Variants in GPNMB observed in about 807,000 individuals in gnomAD.
The protein encoded by GPNMB is glycoprotein nmb.
Under a neutral mutation model 57.3 loss-of-function variants are expected in GPNMB, and 71 were observed. That is an observed-to-expected ratio of 1.24 (90% CI 1.02 to 1.51). GPNMB has a LOEUF of 1.51. Ranked by LOEUF, GPNMB falls within the 40% of genes most tolerant of loss-of-function variation. The pLI is 0.00. For synonymous variants in GPNMB, 253 were observed against 263.2 expected (o/e 0.96, Z 0.38); for missense variants, 677 against 691.9 (o/e 0.98, Z 0.24).
chr7:23,269,784 C>T (rs542428480), intron 8 of GPNMB, among the ~76,000 whole-genome samples, 183 bp from the exon 9 acceptor site: 32 of 152,264 alleles, frequency 2.1e-4, no homozygotes, highest in African/African-American at 4.3e-4. Context: ...CATAGCTCAG[C>T]GCACAGGCTT....
chr7:23,267,929 G>A lies in GPNMB; in HGVS notation c.1161G>A (p.Leu387=). 6.2e-7 allele frequency: 1 copy of A among 1,613,872 alleles called. No individual in the cohort carries two copies. Among genetic ancestry groups the A allele is most frequent in the Non-Finnish European group, 8.5e-7 (1 of 1,179,752 alleles). ...EVNIIQMTDV[L]MPVPWPESSL... Reference sequence around the variant, plus strand: ...ACATCATCCAGATGACAGACGTCCTGATGCCGGTGCCATGGCCTGAAAGCT... The same window carrying A: ...ACATCATCCAGATGACAGACGTCCTAATGCCGGTGCCATGGCCTGAAAGCT... Residue 387 remains leucine (L), a synonymous_variant, in exon 8 of 11, where the codon CTG becomes CTA. Coordinates refer to ENST00000258733, the MANE Select transcript of GPNMB (RefSeq NM_002510.3).
chr7:23,256,780 C>T, intron 3 of GPNMB, 112 bp from the exon 4 acceptor site: 1 of 786,464 alleles, frequency 1.3e-6, no homozygotes, highest in South Asian at 1.7e-5. Context: ...TGTCTAACTA[C>T]TTTTAAACTA....
At chr7:23,258,152 G>A (rs1013213549) in intron 4 of GPNMB, 18 of 152,008 alleles carry the variant, frequency 1.2e-4, no homozygotes, top group Non-Finnish European at 2.6e-4. Flanking sequence ...TATTAATTAG[G>A]CTGCTAAATT....
chr7:23,274,511 C>T lies in GPNMB; in HGVS notation c.*287C>T. The T allele has an allele frequency of 4.1e-6, 1 of 246,098 alleles. No homozygotes were observed. Among genetic ancestry groups the T allele is most frequent in the South Asian group, 7.0e-5 (1 of 14,388 alleles). The allele number at this position is 246,098 out of a possible 1,614,324, so 15.2% of individuals were successfully genotyped here. A position where few individuals can be genotyped will look rare whatever the true frequency, so the allele number is the denominator to read the frequency against. On this transcript the variant is annotated 3_prime_UTR_variant, in exon 11 of 11. Transcript: ENST00000258733. ...TTAGGTAACTAGTAGGATAGAAACA[C>T]TGTGTCCCGAGAGTAAGGAGAGAAG...
Position 23,253,426 on chromosome 7 carries a change from CG to C in GPNMB, c.194del (p.Gly65GlufsTer3). The C allele has an allele frequency of 6.2e-7, 1 of 1,613,700 alleles. No individual in the cohort carries two copies. The highest frequency in any genetic ancestry group is 1.7e-5 in the Admixed American group (1 of 59,980). ...WNEKLYPVWK[R>X]GDMRWKNSWK... ...TGAAAAACTCTACCCAGTGTGGAAG[CG>C]GGGAGACATGAGGTGGAAAAACTCC... On this transcript the variant is annotated frameshift_variant, in exon 2 of 11. Coordinates refer to ENST00000258733, the MANE Select transcript of GPNMB (RefSeq NM_002510.3). LOFTEE classifies it high-confidence loss of function.
Position 23,254,242 on chromosome 7 carries a change from C to G in GPNMB, c.297C>G (p.Asn99Lys), listed in dbSNP as rs1275975671. ...GCTCAAATATAACATTTGCGGTGAACCTGATATTCCCTAGATGCCAAAAGG... is the reference window on the plus strand; with the variant it reads ...GCTCAAATATAACATTTGCGGTGAAGCTGATATTCCCTAGATGCCAAAAGG... ...LVGSNITFAVNLIFPRCQKED... is the reference protein window; with the variant it reads ...LVGSNITFAVKLIFPRCQKED... Residue 99 changes from asparagine to lysine, a missense_variant, in exon 3 of 11, where the codon AAC becomes AAG. By Grantham distance (94) the Asn-to-Lys change is moderately conservative (BLOSUM62 0). Transcript: ENST00000258733. 6.2e-7 allele frequency: 1 copy of G among 1,613,452 alleles called. No homozygotes were observed. Among genetic ancestry groups the G allele is most frequent in the Non-Finnish European group, 8.5e-7 (1 of 1,179,398 alleles).
chr7:23,264,652 C>T (rs998454506), intron 6 of GPNMB, among the ~76,000 whole-genome samples: 1 of 152,200 alleles, frequency 6.6e-6, no homozygotes, highest in African/African-American at 2.4e-5. Flanking sequence ...GCTGGGATTA[C>T]AGGTGTGAGC....
At chr7:23,259,924 T>A (rs1486264849) in intron 4 of GPNMB, 56 bp from the exon 5 acceptor site, 22 of 1,542,556 alleles carry the variant, frequency 1.4e-5, no homozygotes, top group Non-Finnish European at 1.9e-5. Flanking sequence ...AAGGAACAGC[T>A]TCCTATAATG....
At chr7:23,257,088 GCTT>G (rs1782800605) in intron 4 of GPNMB, 23 bp downstream of exon 4, 1 of 1,596,632 alleles carries the variant, frequency 6.3e-7, no homozygotes, top group Non-Finnish European at 8.6e-7. Flanking sequence ...AAACCCCTAA[GCTT>G]CTTCTTTACC....
At chr7:23,272,936 C>G (rs372194557) in intron 9 of GPNMB, 13 of 152,084 alleles carry the variant, frequency 8.5e-5, no homozygotes, top group Admixed American at 7.9e-4. Flanking sequence ...CTCGACCTCC[C>G]GGGCTCAAGC....
intron 6 of GPNMB, among the ~76,000 whole-genome samples, chr7:23,264,838 C>T (rs990518382): frequency 1.3e-5 from 2 of 152,204 alleles, no homozygotes; most frequent in African/African-American, 4.8e-5. Flanking sequence ...ATTCCATGCT[C>T]TAACTTGACA....
intron 4 of GPNMB, among the ~76,000 whole-genome samples, chr7:23,259,220 T>C (rs552500743): frequency 1.3e-5 from 2 of 152,308 alleles, no homozygotes; most frequent in East Asian, 3.9e-4. Context: ...AGAGTCTCGC[T>C]CTGTCACCAG....
chr7:23,248,237 A>G (rs1433759759), intron 1 of GPNMB, among the ~76,000 whole-genome samples: 1 of 152,180 alleles, frequency 6.6e-6, no homozygotes, highest in African/African-American at 2.4e-5. Context: ...CTACGGAGGC[A>G]GACCTGCACC....
intron 1 of GPNMB, among the ~76,000 whole-genome samples, chr7:23,248,211 A>G (rs566861143): frequency 6.6e-6 from 1 of 152,208 alleles, no homozygotes; most frequent in African/African-American, 2.4e-5. Context: ...AGAGACGTGC[A>G]TGGTGGGGAT....
At chr7:23,255,309 G>A (rs531542077) in intron 3 of GPNMB, among the ~76,000 whole-genome samples, 92 of 152,238 alleles carry the variant, frequency 6.0e-4, no homozygotes, top group Non-Finnish European at 1.1e-3. Flanking sequence ...GAGCCACCGC[G>A]CCCAGTCAGC....
rs143499274 is a variant in GPNMB at position 23,271,049 on chromosome 7, G to A, written c.1429+874G>A. On this transcript the variant is annotated intron_variant, in intron 9 of 10. Coordinates refer to ENST00000258733, the MANE Select transcript of GPNMB (RefSeq NM_002510.3). ...CTGTTTTGTGGAAGACAGTTTTTCC[G>A]TGTAACGGGGATGGTGGGGGATGGT... Among the ~76,000 whole-genome samples the A allele has an allele frequency of 2.6e-3, 402 of 152,320 alleles. 1 individual carries two copies. The highest frequency in any genetic ancestry group is 9.1e-3 in the African/African-American group (379 of 41,558).
intron 4 of GPNMB, among the ~76,000 whole-genome samples, chr7:23,258,956 G>T (rs774517338): frequency 6.6e-6 from 1 of 152,236 alleles, no homozygotes. Context: ...CCCCTGGCAG[G>T]ATTAGAAAAG....
At chr7:23,269,646 G>T (rs941093224) in intron 8 of GPNMB, among the ~76,000 whole-genome samples, 2 of 152,146 alleles carry the variant, frequency 1.3e-5, no homozygotes, top group East Asian at 1.9e-4. Context: ...AACATTCTAG[G>T]GATGTAGAAG....
intron 4 of GPNMB, among the ~76,000 whole-genome samples, chr7:23,258,362 A>G (rs550098564): frequency 6.6e-6 from 1 of 152,352 alleles, no homozygotes; most frequent in African/African-American, 2.4e-5. Context: ...AGCTATGTCA[A>G]ATATTATGCT....
Sources: gnomAD v4.1 joint callset for allele counts (sites outside exome capture counted in the v4.1 genomes callset) on GRCh38, gnomAD v4.1.1 for gene constraint, MANE v1.5 for transcripts, NCBI Gene and HGNC (gene_info 2026-07-23, HGNC 2026-07-21) for gene names.